Variants in ADAM12 observed in about 807,000 individuals in gnomAD.
ADAM12 encodes the protein disintegrin and metalloproteinase domain-containing protein 12.
A neutral mutation model predicts 106.4 loss-of-function variants in ADAM12; 70 were observed. That is an observed-to-expected ratio of 0.66 (90% CI 0.54 to 0.80). The LOEUF is 0.80. ADAM12 is among the 30% of genes least tolerant of loss of function. The pLI is 0.00. For synonymous variants in ADAM12, 420 were observed against 433.5 expected (o/e 0.97, Z 0.39); for missense variants, 1,010 against 1,171.9 (o/e 0.86, Z 2.02).
At chr10:126,136,227 C>CGTGTG (rs1394914252) in intron 4 of ADAM12, among the ~76,000 whole-genome samples, 1 of 152,098 alleles carries the variant, frequency 6.6e-6, no homozygotes, top group Non-Finnish European at 1.5e-5. Flanking sequence ...CAAAAGTTCC[C>CGTGTG]GTGTGTCATG....
intron 13 of ADAM12, 152 bp from the exon 14 acceptor site, chr10:126,065,153 A>C: frequency 1.5e-5 from 12 of 797,850 alleles, no homozygotes; most frequent in South Asian, 1.9e-5. Flanking sequence ...GAGATACCTC[A>C]TTAAATCATC....
chr10:126,337,942 C>A (rs1854769036), intron 1 of ADAM12, among the ~76,000 whole-genome samples: 2 of 152,122 alleles, frequency 1.3e-5, no homozygotes, highest in East Asian at 1.9e-4. Flanking sequence ...TAAAAAGATC[C>A]TTTGGACTTA....
At chr10:126,364,730 T>G (rs1855853295) in intron 1 of ADAM12, among the ~76,000 whole-genome samples, 2 of 151,994 alleles carry the variant, frequency 1.3e-5, no homozygotes, top group Admixed American at 1.3e-4. Flanking sequence ...CCAAAGGATA[T>G]GAACTAACAA....
At chr10:126,193,264 CAAAAAAAAAAAAA>C (rs757716875) in intron 3 of ADAM12, among the ~76,000 whole-genome samples, 1 of 26,608 alleles carries the variant, frequency 3.8e-5, no homozygotes, top group Admixed American at 4.7e-4. Context: ...GACTCCATCT[CAAAAAAAAAAAAA>C]AAAAAAAAAA....
intron 11 of ADAM12, among the ~76,000 whole-genome samples, chr10:126,080,435 A>G (rs1427430086): frequency 6.6e-6 from 1 of 152,190 alleles, no homozygotes; most frequent in Non-Finnish European, 1.5e-5. Context: ...GTGCAAAGCA[A>G]TAAAACTGGA....
Position 126,118,074 on chromosome 10 carries a change from A to T in ADAM12, c.567T>A (p.Asn189Lys). The change falls in exon 6 of 23, where the codon AAT (asparagine) becomes AAA (lysine). Residue 189 changes from asparagine to lysine, a missense_variant. Asn to Lys is a moderately conservative substitution (Grantham distance 94). Transcript: ENST00000448723. ...HHNTPNLAAK[N>K]VFPPPSQTWA... ...ATGTCTGAGAGGGTGGTGGAAACAC[A>T]TTCTTTGCAGCGAGGTTTGGTGTGT... is the stretch of plus-strand genomic sequence containing the variant. The T allele has an allele frequency of 6.2e-7, 1 of 1,614,142 alleles. No homozygotes were observed. Among genetic ancestry groups the T allele is most frequent in the Non-Finnish European group, 8.5e-7 (1 of 1,179,982 alleles).
In ADAM12 at chr10:126,321,539, A is replaced by G. The variant is rs575322486; in HGVS notation, c.186+8873T>C. Among the ~76,000 whole-genome samples the G allele has an allele frequency of 8.5e-5, 13 of 152,316 alleles. No homozygotes were observed. In the South Asian group the frequency reaches 2.1e-3, roughly 24 times the overall value. On this transcript the variant is annotated intron_variant, in intron 2 of 22. Coordinates refer to ENST00000448723, the MANE Select transcript of ADAM12 (RefSeq NM_001288973.2). ...CAGGGACACAGTTGAAACAAGTACAATACCTTGGCCTGCTTTCTCCTCTTT... is the reference window on the plus strand; with the variant it reads ...CAGGGACACAGTTGAAACAAGTACAGTACCTTGGCCTGCTTTCTCCTCTTT...
chr10:126,226,771 A>G (rs1958205121), intron 3 of ADAM12, among the ~76,000 whole-genome samples: 1 of 152,178 alleles, frequency 6.6e-6, no homozygotes, highest in South Asian at 2.1e-4. Context: ...AGCGATTACT[A>G]TGTGCCAGGC....
intron 12 of ADAM12, among the ~76,000 whole-genome samples, chr10:126,068,441 C>G (rs1031140692): frequency 6.6e-6 from 1 of 152,214 alleles, no homozygotes; most frequent in Admixed American, 6.5e-5. Flanking sequence ...GGAAATGCAG[C>G]CATGCCAAAT....
intron 2 of ADAM12, among the ~76,000 whole-genome samples, chr10:126,289,997 C>T (rs575589449): frequency 4.6e-5 from 7 of 152,248 alleles, no homozygotes; most frequent in African/African-American, 1.7e-4. Flanking sequence ...GGACAGGGAC[C>T]TCACCCTGGA....
chr10:126,323,428 C>G (rs148370533), intron 2 of ADAM12, among the ~76,000 whole-genome samples: 3 of 152,200 alleles, frequency 2.0e-5, no homozygotes, highest in Admixed American at 6.5e-5. Context: ...AGGTAGCATT[C>G]TATCAGCTAG....
At chr10:126,280,785 G>T (rs539688304) in intron 2 of ADAM12, among the ~76,000 whole-genome samples, 1 of 152,084 alleles carries the variant, frequency 6.6e-6, no homozygotes, top group South Asian at 2.1e-4. Context: ...AAATTCTTAC[G>T]TATCTTTTCT....
At chr10:126,281,239 G>A (rs567286286) in intron 2 of ADAM12, among the ~76,000 whole-genome samples, 2 of 152,046 alleles carry the variant, frequency 1.3e-5, no homozygotes, top group Non-Finnish European at 2.9e-5. Context: ...CACACCATAT[G>A]TATGTATACA....
At chr10:126,348,067 A>T (rs1855214195) in intron 1 of ADAM12, among the ~76,000 whole-genome samples, 1 of 152,224 alleles carries the variant, frequency 6.6e-6, no homozygotes, top group African/African-American at 2.4e-5. Context: ...CAATTGAGAA[A>T]GGAGAGGATT....
chr10:126,117,770 A>G (rs1956013057), intron 6 of ADAM12, among the ~76,000 whole-genome samples: 1 of 114,026 alleles, frequency 8.8e-6, no homozygotes, highest in Non-Finnish European at 1.8e-5. Flanking sequence ...GGGGGGCGTA[A>G]TTTTGTCATC....
intron 2 of ADAM12, among the ~76,000 whole-genome samples, chr10:126,324,863 G>A (rs1564734035): frequency 6.6e-6 from 1 of 151,846 alleles, no homozygotes; most frequent in Non-Finnish European, 1.5e-5. Flanking sequence ...GAGAGGTGTG[G>A]ATTTTAAGTC....
At chr10:126,366,676 T>C (rs1299208249) in intron 1 of ADAM12, among the ~76,000 whole-genome samples, 1 of 152,032 alleles carries the variant, frequency 6.6e-6, no homozygotes, top group Non-Finnish European at 1.5e-5. Context: ...TTTAAAAGAA[T>C]GCACTTTGAG....
chr10:126,302,443 TG>T (rs1960665544), intron 2 of ADAM12, among the ~76,000 whole-genome samples: 1 of 152,212 alleles, frequency 6.6e-6, no homozygotes, highest in African/African-American at 2.4e-5. Context: ...ATACTTTGAA[TG>T]GGATCAATGT....
intron 3 of ADAM12, among the ~76,000 whole-genome samples, chr10:126,204,688 C>A (rs1237085820): frequency 6.6e-6 from 1 of 152,188 alleles, no homozygotes; most frequent in East Asian, 1.9e-4. Flanking sequence ...GAGCATTAAA[C>A]CAACCATGGG....
Sources: gnomAD v4.1 joint callset for allele counts (sites outside exome capture counted in the v4.1 genomes callset) on GRCh38, gnomAD v4.1.1 for gene constraint, MANE v1.5 for transcripts, NCBI Gene and HGNC (gene_info 2026-07-23, HGNC 2026-07-21) for gene names.